NDUFC2: variants seen among roughly 807,000 people sequenced by gnomAD.
NDUFC2 encodes NADH dehydrogenase [ubiquinone] 1 subunit C2.
NDUFC2 carries 2 observed loss-of-function variants against 10.1 expected under a neutral mutation model. The ratio of observed to expected loss-of-function variants is 0.20; its 90% CI spans 0.08 to 0.62. The LOEUF is 0.62. Ranked by LOEUF, NDUFC2 falls within the 20% of genes least tolerant of loss-of-function variation. NDUFC2 has a pLI of 0.87. For missense variants in NDUFC2, 156 were observed against 159.6 expected, an observed-to-expected ratio of 0.98 and a Z score of 0.12; for synonymous variants, 61 against 63.6, an observed-to-expected ratio of 0.96 and a Z score of 0.20.
chr11:78,072,930 T>C (rs1367048625), intron 2 of NDUFC2, 68 bp downstream of exon 2: 2 of 1,573,066 alleles, frequency 1.3e-6, no homozygotes, highest in Admixed American at 2.0e-5. Context: ...GCCATACACA[T>C]GGATAAGATT....
chr11:78,074,931 T>C (rs1169839575), intron 1 of NDUFC2, among the ~76,000 whole-genome samples: 8 of 152,234 alleles, frequency 5.3e-5, no homozygotes, highest in Admixed American at 3.9e-4. Flanking sequence ...TTCGAGATGA[T>C]GATGTCAGCA....
chr11:78,069,884 C>A lies in NDUFC2; in HGVS notation c.*103G>T. Reference sequence around the variant, plus strand: ...GGTACGTATTTTAATTACAAGGTGTCAACATACAGATTAGCATAAGCTTCA... The same window carrying A: ...GGTACGTATTTTAATTACAAGGTGTAAACATACAGATTAGCATAAGCTTCA... On this transcript the variant is annotated 3_prime_UTR_variant, in exon 3 of 3. Transcript: ENST00000281031. The A allele has an allele frequency of 6.2e-7, 1 of 1,610,692 alleles. No individual in the cohort carries two copies. The highest frequency in any genetic ancestry group is 1.1e-5 in the South Asian group (1 of 90,398).
At chr11:78,073,497 T>G (rs1859107462) in intron 1 of NDUFC2, among the ~76,000 whole-genome samples, 1 of 142,804 alleles carries the variant, frequency 7.0e-6, no homozygotes, top group African/African-American at 2.6e-5. Flanking sequence ...TGTTATGGCA[T>G]TTCTTAAAAA....
intron 1 of NDUFC2, among the ~76,000 whole-genome samples, chr11:78,078,623 T>G (rs1859351235): frequency 6.6e-6 from 1 of 152,044 alleles, no homozygotes; most frequent in Non-Finnish European, 1.5e-5. Context: ...GCACACTGGT[T>G]TAGAGCCTCC....
Position 78,069,738 on chromosome 11 carries a change from C to T in NDUFC2, c.*249G>A. ...TGGCAGTGGGCCAGATTTGGGTAGT[C>T]TGCTAACTCTAAACTAGAATTCAAC... On this transcript the variant is annotated 3_prime_UTR_variant, in exon 3 of 3. Coordinates refer to ENST00000281031, the MANE Select transcript of NDUFC2 (RefSeq NM_004549.6). The T allele has an allele frequency of 1.3e-6, 1 of 793,564 alleles. No homozygotes were observed. The highest frequency in any genetic ancestry group is 1.8e-5 in the South Asian group (1 of 54,102). The allele number at this position is 793,564 out of a possible 1,614,324, so 49.2% of individuals were successfully genotyped here.
intron 1 of NDUFC2, among the ~76,000 whole-genome samples, chr11:78,079,079 G>A (rs1360603377): frequency 7.0e-6 from 1 of 143,806 alleles, no homozygotes; most frequent in Non-Finnish European, 1.5e-5. Flanking sequence ...CATTAAGTTT[G>A]AGAAGCACTG....
At position 78,070,027 on chromosome 11, in the gene NDUFC2, GTTTTC is replaced by G; in HGVS notation, c.315_319del (p.Lys105AsnfsTer4). On this transcript the variant is annotated frameshift_variant, in exon 3 of 3. Transcript: ENST00000281031. LOFTEE classifies it high-confidence loss of function. ...GAATTTTTCAAAAATTTCACCATATGTTTTCTTATCTATAAAAGGAAAGATCATAA... is the reference window on the plus strand; with the variant it reads ...GAATTTTTCAAAAATTTCACCATATGTTATCTATAAAAGGAAAGATCATAA... The G allele has an allele frequency of 1.9e-6, 3 of 1,578,302 alleles. No homozygotes were observed. Among genetic ancestry groups the G allele is most frequent in the South Asian group, 1.1e-5 (1 of 87,396 alleles).
intron 1 of NDUFC2, among the ~76,000 whole-genome samples, chr11:78,073,449 G>A (rs1349828112): frequency 6.6e-5 from 10 of 151,820 alleles, no homozygotes; most frequent in African/African-American, 2.2e-4. Flanking sequence ...CTGATATTGC[G>A]CCATTGCACT....
At chr11:78,071,392 G>A (rs1192441803) in intron 2 of NDUFC2, among the ~76,000 whole-genome samples, 1 of 151,934 alleles carries the variant, frequency 6.6e-6, no homozygotes. Flanking sequence ...AAGTCAATGG[G>A]TCTATAGGCA....
intron 1 of NDUFC2, among the ~76,000 whole-genome samples, chr11:78,074,366 A>G (rs917452347): frequency 7.2e-5 from 11 of 152,102 alleles, no homozygotes; most frequent in South Asian, 2.1e-4. Context: ...TAATCCCAGC[A>G]CTTTGGGAGG....
At chr11:78,078,102 A>G (rs1379054189) in intron 1 of NDUFC2, among the ~76,000 whole-genome samples, 1 of 152,180 alleles carries the variant, frequency 6.6e-6, no homozygotes, top group Non-Finnish European at 1.5e-5. Flanking sequence ...CATGACATAC[A>G]GCTGTAAGAA....
chr11:78,075,592 A>C (rs1475002008), intron 1 of NDUFC2, among the ~76,000 whole-genome samples: 2 of 152,190 alleles, frequency 1.3e-5, no homozygotes, highest in Non-Finnish European at 2.9e-5. Flanking sequence ...TATGAGACAT[A>C]TTCATTATTA....
chr11:78,079,633 A>G lies in NDUFC2; in HGVS notation c.112T>C (p.Tyr38His). 6.3e-7 allele frequency: 1 copy of G among 1,581,218 alleles called. No individual in the cohort carries two copies. The highest frequency in any genetic ancestry group is 8.6e-7 in the Non-Finnish European group (1 of 1,164,206). ...AGGTTATCAATCAGGCCGGAGCAGT[A>G]GCCCAAGAAGCCGATGTAGAGGAGC... is the stretch of plus-strand genomic sequence containing the variant. Reference protein sequence around the residue: ...PRLLYIGFLGYCSGLIDNLIR... With the variant: ...PRLLYIGFLGHCSGLIDNLIR... Residue 38 changes from tyrosine to histidine, a missense_variant, in exon 1 of 3, where the codon TAC (tyrosine) becomes CAC (histidine). Transcript: ENST00000281031.
intron 2 of NDUFC2, among the ~76,000 whole-genome samples, chr11:78,071,513 A>G (rs1287572539): frequency 6.6e-6 from 1 of 152,028 alleles, no homozygotes; most frequent in African/African-American, 2.4e-5. Flanking sequence ...TTTTTTCTAT[A>G]CTCATTCATT....
chr11:78,075,167 T>C (rs1399649699), intron 1 of NDUFC2, among the ~76,000 whole-genome samples: 2 of 152,234 alleles, frequency 1.3e-5, no homozygotes, highest in Non-Finnish European at 2.9e-5. Context: ...TTTTGTGGGC[T>C]ATACTTAGCA....
chr11:78,074,696 C>A (rs1859166495), intron 1 of NDUFC2, among the ~76,000 whole-genome samples: 2 of 151,984 alleles, frequency 1.3e-5, no homozygotes. Flanking sequence ...AAAAGTATTT[C>A]CGAAAATGTA....
chr11:78,078,728 C>CTTGTTTTTTTTTTTTTTTTTT (rs1859357894), intron 1 of NDUFC2, among the ~76,000 whole-genome samples: 1 of 61,622 alleles, frequency 1.6e-5, no homozygotes, highest in Non-Finnish European at 3.0e-5. Flanking sequence ...TCAGGATCCG[C>CTTGTTTTTTTTTTTTTTTTTT]TTTTTTTTTT....
intron 1 of NDUFC2, among the ~76,000 whole-genome samples, chr11:78,074,920 G>A (rs554851877): frequency 3.3e-5 from 5 of 152,110 alleles, no homozygotes; most frequent in Admixed American, 6.6e-5. Context: ...CTCCATAAGC[G>A]TTCGAGATGA....
In NDUFC2 at chr11:78,079,576, C is replaced by T; in HGVS notation, c.166+3G>A. On this transcript the variant is annotated splice_donor_region_variant and intron_variant, in intron 1 of 2. Transcript: ENST00000281031. ...CAGCCGATCCCGGCCGCGCAGCACT[C>T]ACCAGCCGTCGCGATCGGCCTCCGC... 1 of 1,550,278 alleles carries T rather than the reference C, an allele frequency of 6.5e-7. No individual in the cohort carries two copies. The highest frequency in any genetic ancestry group is 1.2e-5 in the South Asian group (1 of 84,112).
Sources: gnomAD v4.1 joint callset for allele counts (sites outside exome capture counted in the v4.1 genomes callset) on GRCh38, gnomAD v4.1.1 for gene constraint, MANE v1.5 for transcripts, NCBI Gene and HGNC (gene_info 2026-07-23, HGNC 2026-07-21) for gene names.